Variants in PPP1R12B observed in about 807,000 individuals in gnomAD.
PPP1R12B encodes the protein myosin phosphatase target subunit 2.
PPP1R12B carries 76 observed loss-of-function variants against 126.1 expected under a neutral mutation model. The ratio of observed to expected loss-of-function variants is 0.60; its 90% CI spans 0.50 to 0.73. The LOEUF is 0.73. Ranked by LOEUF, PPP1R12B falls within the 30% of genes least tolerant of loss-of-function variation. The pLI is 0.00. For synonymous variants in PPP1R12B, 356 were observed against 434.7 expected, an observed-to-expected ratio of 0.82 and a Z score of 2.25; for missense variants, 1,052 against 1,205.1, an observed-to-expected ratio of 0.87 and a Z score of 1.88.
intron 18 of PPP1R12B, among the ~76,000 whole-genome samples, chr1:202,526,625 G>A (rs1450637752): frequency 6.6e-6 from 1 of 152,062 alleles, no homozygotes; most frequent in East Asian, 1.9e-4. Context: ...GGAGAGTGAA[G>A]GGACATCAAG....
chr1:202,577,659 C>G (rs999557090), intron 23 of PPP1R12B, among the ~76,000 whole-genome samples: 1 of 152,014 alleles, frequency 6.6e-6, no homozygotes, highest in Non-Finnish European at 1.5e-5. Context: ...GAGGGGACTC[C>G]CTTCCCACTT....
chr1:202,368,656 C>CTT (rs971374592), intron 1 of PPP1R12B, among the ~76,000 whole-genome samples: 1 of 145,026 alleles, frequency 6.9e-6, no homozygotes, highest in African/African-American at 2.5e-5. Flanking sequence ...CTGTATTTTT[C>CTT]TTTTTTTTTT....
At chr1:202,369,727 G>A in intron 1 of PPP1R12B, 1 of 161,864 alleles carries the variant, frequency 6.2e-6, no homozygotes, top group Non-Finnish European at 1.4e-5. Flanking sequence ...CCTGTCTTCT[G>A]CATAAATAGA....
chr1:202,475,483 A>G (rs1676515634), intron 13 of PPP1R12B, among the ~76,000 whole-genome samples: 1 of 152,212 alleles, frequency 6.6e-6, no homozygotes, highest in East Asian at 1.9e-4. Context: ...AGGATTTGCT[A>G]GAAGAAATGT....
At chr1:202,511,217 A>G (rs1681458933) in intron 18 of PPP1R12B, among the ~76,000 whole-genome samples, 3 of 149,992 alleles carry the variant, frequency 2.0e-5, no homozygotes, top group Admixed American at 6.6e-5. Flanking sequence ...TGTACCCACT[A>G]TGTAGTTTTT....
intron 23 of PPP1R12B, among the ~76,000 whole-genome samples, 157 bp downstream of exon 23, chr1:202,569,354 A>G (rs1396678442): frequency 6.6e-6 from 1 of 152,172 alleles, no homozygotes; most frequent in African/African-American, 2.4e-5. Context: ...CTCCTCAGCC[A>G]TTTCCTAGGC....
At chr1:202,382,670 A>C in intron 1 of PPP1R12B, among the ~76,000 whole-genome samples, 1 of 151,894 alleles carries the variant, frequency 6.6e-6, no homozygotes, top group Non-Finnish European at 1.5e-5. Flanking sequence ...TGAAGCCAGG[A>C]GTTCAAGACC....
At chr1:202,574,905 A>G in intron 23 of PPP1R12B, 1 of 1,241,108 alleles carries the variant, frequency 8.1e-7, no homozygotes, top group Non-Finnish European at 1.1e-6. Flanking sequence ...AAAAACAAAA[A>G]GTCATGTGAT....
intron 18 of PPP1R12B, among the ~76,000 whole-genome samples, chr1:202,537,718 G>A (rs974450998): frequency 3.3e-5 from 5 of 152,204 alleles, no homozygotes; most frequent in African/African-American, 1.2e-4. Flanking sequence ...AGGAAACTGT[G>A]TCTGATCAAG....
At position 202,442,532 on chromosome 1, in the gene PPP1R12B, A is replaced by G. The variant is rs200544234; in HGVS notation, c.1627A>G (p.Thr543Ala). The change falls in exon 12 of 24, where the codon ACA (threonine) becomes GCA (alanine). Residue 543 changes from threonine to alanine, a missense_variant. Physicochemically the swap from Thr to Ala is moderately conservative, Grantham distance 58. Coordinates refer to ENST00000608999, the MANE Select transcript of PPP1R12B (RefSeq NM_002481.4). Reference protein sequence around the residue: ...DEAKGNEIPQTIAPSTYVSTY... With the variant: ...DEAKGNEIPQAIAPSTYVSTY... ...AGCAAAAGGAAATGAAATCCCACAG[A>G]CAATTGCTCCCTCCACCTATGTATC... The G allele has an allele frequency of 1.2e-6, 2 of 1,613,842 alleles. No individual in the cohort carries two copies. The highest frequency in any genetic ancestry group is 2.2e-5 in the East Asian group (1 of 44,852).
chr1:202,388,423 C>T (rs1358330772), intron 1 of PPP1R12B, among the ~76,000 whole-genome samples: 1 of 152,176 alleles, frequency 6.6e-6, no homozygotes, highest in Non-Finnish European at 1.5e-5. Context: ...CCAGGCTGGT[C>T]TTGAACTCCT....
chr1:202,472,515 T>G (rs529398855), intron 13 of PPP1R12B, among the ~76,000 whole-genome samples: 2 of 152,352 alleles, frequency 1.3e-5, no homozygotes, highest in South Asian at 4.1e-4. Context: ...TCGGTAACAC[T>G]TGTTCTGACC....
At position 202,580,711 on chromosome 1, in the gene PPP1R12B, T is replaced by C. The variant is rs1187883258; in HGVS notation, c.*151T>C. 8.0e-6 allele frequency: 5 copies of C among 623,216 alleles called. No homozygotes were observed. The highest frequency in any genetic ancestry group is 7.4e-5 in the African/African-American group (4 of 54,298). 38.6% of individuals were successfully genotyped at this position (623,216 alleles called of 1,614,324 possible). A position where few individuals can be genotyped will look rare whatever the true frequency, so the allele number is the denominator to read the frequency against. ...CCTCTTCAGTCACCTCTATACACTC[T>C]ACATTTTCTCTGCACTTTCAATGCC... On this transcript the variant is annotated 3_prime_UTR_variant, in exon 24 of 24. Coordinates refer to ENST00000608999, the MANE Select transcript of PPP1R12B (RefSeq NM_002481.4).
intron 13 of PPP1R12B, chr1:202,462,898 A>T: frequency 1.0e-6 from 1 of 985,292 alleles, no homozygotes; most frequent in Non-Finnish European, 1.2e-6. Flanking sequence ...TTTCACCTGG[A>T]ATGATTTGAT....
chr1:202,499,167 A>G (rs1221851128), intron 18 of PPP1R12B, among the ~76,000 whole-genome samples: 1 of 152,220 alleles, frequency 6.6e-6, no homozygotes, highest in African/African-American at 2.4e-5. Context: ...AGAATAAGTG[A>G]TACTAATCTA....
intron 1 of PPP1R12B, among the ~76,000 whole-genome samples, chr1:202,409,586 CT>C (rs1206820707): frequency 6.6e-6 from 1 of 152,188 alleles, no homozygotes; most frequent in East Asian, 1.9e-4. Context: ...TCCCAAAGTG[CT>C]GAGATTACAG....
intron 1 of PPP1R12B, among the ~76,000 whole-genome samples, chr1:202,362,041 G>A (rs916624024): frequency 1.2e-4 from 19 of 152,080 alleles, no homozygotes; most frequent in African/African-American, 3.6e-4. Flanking sequence ...ATTTATATGC[G>A]GGCATTTCAG....
intron 18 of PPP1R12B, among the ~76,000 whole-genome samples, chr1:202,541,920 A>G (rs193290700): frequency 1.3e-5 from 2 of 152,202 alleles, no homozygotes; most frequent in Non-Finnish European, 2.9e-5. Flanking sequence ...GCTTAATAAG[A>G]GACTGCTTCC....
Position 202,589,552 on chromosome 1 carries a change from CTCTT to C in PPP1R12B, c.*8996_*8999del, listed in dbSNP as rs1231381564. On this transcript the variant is annotated 3_prime_UTR_variant, in exon 24 of 24. Transcript: ENST00000608999. The stretch of plus-strand genomic sequence containing the variant: ...GGTTCCTAGACTGCAAATGTCATTT[CTCTT>C]TCTGACCCCCACTGGTTGTAGTAAG... 6.6e-6 allele frequency: 1 copy of C among 152,276 alleles called. No individual in the cohort carries two copies. The highest frequency in any genetic ancestry group is 1.5e-5 in the Non-Finnish European group (1 of 68,092). 9.4% of individuals were successfully genotyped at this position (152,276 alleles called of 1,614,324 possible).
Sources: gnomAD v4.1 joint callset for allele counts (sites outside exome capture counted in the v4.1 genomes callset) on GRCh38, gnomAD v4.1.1 for gene constraint, MANE v1.5 for transcripts, NCBI Gene and HGNC (gene_info 2026-07-23, HGNC 2026-07-21) for gene names.